NWD2: variants seen among roughly 807,000 people sequenced by gnomAD.
The protein encoded by NWD2 is NACHT and WD repeat domain-containing protein 2.
In NWD2, 37 loss-of-function variants were observed where a neutral mutation model predicts 132.7. The ratio of observed to expected loss-of-function variants is 0.28; its 90% CI spans 0.21 to 0.37. NWD2 has a LOEUF of 0.37. Ranked by LOEUF, NWD2 falls within the 10% of genes least tolerant of loss-of-function variation. NWD2 has a pLI of 1.00. For synonymous variants in NWD2, 705 were observed against 803.0 expected (o/e 0.88, Z 2.06); for missense variants, 1,592 against 2,122.4 (o/e 0.75, Z 4.91).
chr4:37,311,138 G>A (rs1358193520), intron 1 of NWD2, among the ~76,000 whole-genome samples: 2 of 151,758 alleles, frequency 1.3e-5, no homozygotes, highest in African/African-American at 4.8e-5. Context: ...TAGTCCTTTG[G>A]GTATATACCC....
intron 3 of NWD2, among the ~76,000 whole-genome samples, chr4:37,419,508 C>G (rs992260073): frequency 2.6e-5 from 4 of 152,086 alleles, no homozygotes; most frequent in African/African-American, 9.7e-5. Context: ...CCATCTGACA[C>G]AGGGCTAATA....
At chr4:37,322,221 T>C (rs981941282) in intron 1 of NWD2, among the ~76,000 whole-genome samples, 8 of 152,156 alleles carry the variant, frequency 5.3e-5, no homozygotes, top group Non-Finnish European at 8.8e-5. Context: ...TTCAACTCCC[T>C]TTGAGCTTAA....
intron 2 of NWD2, among the ~76,000 whole-genome samples, chr4:37,339,031 A>G (rs955631011): frequency 5.3e-5 from 8 of 152,184 alleles, no homozygotes; most frequent in Non-Finnish European, 1.2e-4. Flanking sequence ...GAAATAGTGA[A>G]ATGCATGTCT....
At chr4:37,287,619 A>T (rs1718262607) in intron 1 of NWD2, among the ~76,000 whole-genome samples, 1 of 152,106 alleles carries the variant, frequency 6.6e-6, no homozygotes, top group South Asian at 2.1e-4. Flanking sequence ...CTAGCCAGAG[A>T]CTCAGGGACA....
At position 37,406,647 on chromosome 4, in the gene NWD2, C is replaced by T. The variant is rs557286707; in HGVS notation, c.358-23925C>T. On this transcript the variant is annotated intron_variant, in intron 3 of 6. Transcript: ENST00000309447. ...GTGTGGTGGCTCACACCTGTAATCC[C>T]AGCACTTTGGGAGGCCGAGGTGAGT... is the stretch of plus-strand genomic sequence containing the variant. Among the ~76,000 whole-genome samples, 5 of 152,302 alleles carry T rather than the reference C, an allele frequency of 3.3e-5. No homozygotes were observed. The East Asian group carries it at 7.7e-4, about 24-fold the overall frequency.
At chr4:37,251,715 A>C (rs1158119890) in intron 1 of NWD2, among the ~76,000 whole-genome samples, 1 of 152,236 alleles carries the variant, frequency 6.6e-6, no homozygotes, top group African/African-American at 2.4e-5. Flanking sequence ...GACCCTAGCA[A>C]CAAGCAAGTC....
intron 1 of NWD2, among the ~76,000 whole-genome samples, chr4:37,283,306 A>ACCAT (rs1235636781): frequency 3.3e-5 from 5 of 152,334 alleles, no homozygotes; most frequent in African/African-American, 1.2e-4. Context: ...TACCCTGAGG[A>ACCAT]CCATCCAGCT....
chr4:37,420,057 C>G (rs1270539246), intron 3 of NWD2, among the ~76,000 whole-genome samples: 1 of 152,118 alleles, frequency 6.6e-6, no homozygotes, highest in Non-Finnish European at 1.5e-5. Flanking sequence ...GTTTGATAAG[C>G]AAAAAGATCT....
chr4:37,398,975 G>A (rs58733988), intron 3 of NWD2, among the ~76,000 whole-genome samples: 5,026 of 152,168 alleles, frequency 0.033, 91 homozygotes, highest in Middle Eastern at 0.065. Flanking sequence ...GACAAAAAGT[G>A]GAACATAGTA....
intron 1 of NWD2, among the ~76,000 whole-genome samples, chr4:37,313,304 G>A (rs1398780228): frequency 6.6e-6 from 1 of 151,132 alleles, no homozygotes; most frequent in Non-Finnish European, 1.5e-5. Flanking sequence ...CACAATTTCA[G>A]ATCCTGTTAT....
intron 4 of NWD2, 84 bp downstream of exon 4, chr4:37,430,859 GAAA>G: frequency 6.5e-6 from 8 of 1,237,062 alleles, no homozygotes; most frequent in Non-Finnish European, 9.1e-6. Context: ...GTGCTGCACA[GAAA>G]AGGCAGAGTA....
At chr4:37,295,014 A>G (rs1718446146) in intron 1 of NWD2, among the ~76,000 whole-genome samples, 1 of 152,166 alleles carries the variant, frequency 6.6e-6, no homozygotes, top group Non-Finnish European at 1.5e-5. Flanking sequence ...GTTACAGGAG[A>G]AAAGGAGCAG....
chr4:37,276,087 A>G (rs541935721), intron 1 of NWD2, among the ~76,000 whole-genome samples: 1 of 152,210 alleles, frequency 6.6e-6, no homozygotes, highest in Non-Finnish European at 1.5e-5. Context: ...ACAAAAGCCA[A>G]CATTGACAAA....
At chr4:37,431,422 GA>G (rs1251834574) in intron 4 of NWD2, among the ~76,000 whole-genome samples, 1 of 152,162 alleles carries the variant, frequency 6.6e-6, no homozygotes, top group Non-Finnish European at 1.5e-5. Context: ...GCCAGGCCCA[GA>G]AAGACAAATA....
chr4:37,298,968 A>G (rs1164433644), intron 1 of NWD2, among the ~76,000 whole-genome samples: 1 of 152,146 alleles, frequency 6.6e-6, no homozygotes, highest in Non-Finnish European at 1.5e-5. Flanking sequence ...GTCATAGGGC[A>G]TACACTTTGT....
intron 1 of NWD2, among the ~76,000 whole-genome samples, chr4:37,257,091 C>T (rs6531521): frequency 0.22 from 32,922 of 151,936 alleles, 3,925 homozygotes; most frequent in Middle Eastern, 0.31. Context: ...GCCCCATGGA[C>T]GGACCCTGTG....
intron 3 of NWD2, among the ~76,000 whole-genome samples, chr4:37,393,330 A>G (rs1181532512): frequency 1.3e-5 from 2 of 152,220 alleles, no homozygotes; most frequent in South Asian, 2.1e-4. Flanking sequence ...TACAACAGAA[A>G]TGATTGACCC....
At chr4:37,292,662 T>A (rs1718388860) in intron 1 of NWD2, among the ~76,000 whole-genome samples, 1 of 151,992 alleles carries the variant, frequency 6.6e-6, no homozygotes, top group Non-Finnish European at 1.5e-5. Flanking sequence ...AAAATTGCAT[T>A]CTCTAAAGCA....
chr4:37,344,728 T>C (rs1257843286), intron 2 of NWD2, among the ~76,000 whole-genome samples: 1 of 152,222 alleles, frequency 6.6e-6, no homozygotes, highest in Non-Finnish European at 1.5e-5. Flanking sequence ...ATAATTCACA[T>C]GTAAAATTCA....
Sources: allele counts gnomAD v4.1 joint callset (sites outside exome capture counted in the v4.1 genomes callset), GRCh38; gene constraint gnomAD v4.1.1; transcripts MANE v1.5; gene names NCBI Gene and HGNC (gene_info 2026-07-23, HGNC 2026-07-21).